RABGAP1: variants seen among roughly 807,000 people sequenced by gnomAD.
RABGAP1 encodes rab GTPase-activating protein 1.
A neutral mutation model predicts 137.6 loss-of-function variants in RABGAP1; 23 were observed. The ratio of observed to expected loss-of-function variants is 0.17; its 90% CI spans 0.12 to 0.24. The LOEUF (loss-of-function observed/expected upper bound fraction) is 0.24. Among genes scored for constraint, RABGAP1 ranks in the 10% least tolerant of loss-of-function variants. The probability of loss-of-function intolerance (pLI) is 1.00; values close to 1 mark genes in which losing one functional copy is unlikely to be tolerated. For missense variants in RABGAP1, 906 were observed against 1,275.8 expected, an observed-to-expected ratio of 0.71 and a Z score of 4.42; for synonymous variants, 451 against 450.7, an observed-to-expected ratio of 1.00 and a Z score of -0.01.
chr9:122,998,800 A>G (rs375760246), intron 10 of RABGAP1, 34 bp downstream of exon 10: 2 of 1,397,254 alleles, frequency 1.4e-6, no homozygotes, highest in Non-Finnish European at 2.0e-6. Flanking sequence ...AGAAGGGGGA[A>G]TAAGAAAGGA....
chr9:123,034,833 C>T (rs1265028279), intron 13 of RABGAP1: 47 of 1,613,916 alleles, frequency 2.9e-5, no homozygotes, highest in Non-Finnish European at 3.7e-5. Flanking sequence ...CTTTATCACT[C>T]CTCCATCACC....
intron 13 of RABGAP1, among the ~76,000 whole-genome samples, chr9:123,059,697 C>T (rs2033892089): frequency 6.6e-6 from 1 of 152,126 alleles, no homozygotes; most frequent in African/African-American, 2.4e-5. Context: ...AAAGAAGAGA[C>T]CTAGAGAGCT....
chr9:123,011,955 T>TCAA lies in RABGAP1; in HGVS notation c.1549+1449_1549+1451dup, dbSNP rs534225221. ...TGGGCAACAAGAGCAAAACTCTGTC[T>TCAA]CAACAACAACAACAACAACAACAAA... On this transcript the variant is annotated intron_variant, in intron 11 of 25. Transcript: ENST00000373647. Among the ~76,000 whole-genome samples, 532 of 152,044 alleles carry TCAA rather than the reference T, an allele frequency of 3.5e-3. 2 individuals carry two copies. The highest frequency in any genetic ancestry group is 0.017 in the Middle Eastern group (5 of 294).
chr9:123,085,257 C>A (rs904970671), intron 19 of RABGAP1, among the ~76,000 whole-genome samples: 1 of 152,194 alleles, frequency 6.6e-6, no homozygotes, highest in Non-Finnish European at 1.5e-5. Flanking sequence ...GGACAGGCCT[C>A]AGGGGGCCCA....
intron 1 of RABGAP1, among the ~76,000 whole-genome samples, chr9:122,954,706 A>G (rs916860972): frequency 6.6e-6 from 1 of 152,226 alleles, no homozygotes; most frequent in African/African-American, 2.4e-5. Flanking sequence ...TCTAAAAAAA[A>G]GATAAAGACT....
At chr9:123,102,489 A>G (rs1012992711) in intron 25 of RABGAP1, among the ~76,000 whole-genome samples, 2 of 152,202 alleles carry the variant, frequency 1.3e-5, no homozygotes, top group African/African-American at 4.8e-5. Flanking sequence ...AAGGCCTGGT[A>G]GTGTGACTAC....
At chr9:123,068,219 G>A (rs747660119) in intron 14 of RABGAP1, among the ~76,000 whole-genome samples, 14 of 151,888 alleles carry the variant, frequency 9.2e-5, no homozygotes, top group South Asian at 2.1e-4. Context: ...GCATGGTGGT[G>A]GGCATATGTA....
At chr9:123,034,073 G>C (rs898401046) in intron 13 of RABGAP1, 1 of 163,650 alleles carries the variant, frequency 6.1e-6, no homozygotes, top group African/African-American at 2.4e-5. Flanking sequence ...GCCAGTAGGG[G>C]TGGAGCGGGA....
Position 123,025,543 on chromosome 9 carries a change from C to CTTTTTTTTTTTTTTTTTTTT in RABGAP1, c.1794+5101_1794+5102insTTTTTTTTTTTTTTTTTTTT, listed in dbSNP as rs577474947. Among the ~76,000 whole-genome samples, 12 of 75,014 alleles carry CTTTTTTTTTTTTTTTTTTTT rather than the reference C, an allele frequency of 1.6e-4. 1 individual carries two copies. The highest frequency in any genetic ancestry group is 1.9e-4 in the Non-Finnish European group (7 of 36,630). The allele number at this position is 75,014 out of a possible 152,430, so 49.2% of individuals were successfully genotyped here. A position where few individuals can be genotyped will look rare whatever the true frequency, so the allele number is the denominator to read the frequency against. On this transcript the variant is annotated intron_variant, in intron 13 of 25. Coordinates refer to ENST00000373647, the MANE Select transcript of RABGAP1 (RefSeq NM_012197.4). Reference sequence around the variant, plus strand: ...TTTTATTTGTTCAGATCTTTCTTTTCTTTTTTTTTTTTTTTTTGCCTTCAA... The same window carrying CTTTTTTTTTTTTTTTTTTTT: ...TTTTATTTGTTCAGATCTTTCTTTTCTTTTTTTTTTTTTTTTTTTTTTTTTTTTTTTTTTTTTGCCTTCAA...
rs1263132861 is a variant in RABGAP1, at chr9:123,081,616, T to A, written c.2424+4854T>A. Among the ~76,000 whole-genome samples the A allele has an allele frequency of 3.3e-5, 5 of 152,010 alleles. No individual in the cohort carries two copies. The South Asian group carries it at 6.2e-4, about 19-fold the overall frequency. On this transcript the variant is annotated intron_variant, in intron 19 of 25. Coordinates refer to ENST00000373647, the MANE Select transcript of RABGAP1 (RefSeq NM_012197.4). ...CATTTCCTGGCTAATTTTTTTTTTT[T>A]ATTTTGTGTAGAGACAAGGTCTCTT...
intron 10 of RABGAP1, among the ~76,000 whole-genome samples, chr9:123,002,892 GTT>G (rs1837403774): frequency 6.6e-6 from 1 of 152,106 alleles, no homozygotes; most frequent in Non-Finnish European, 1.5e-5. Context: ...AGTTTTCACT[GTT>G]TTCTTTGCAA....
chr9:123,004,204 C>G (rs1215287929), intron 10 of RABGAP1, among the ~76,000 whole-genome samples: 2 of 152,172 alleles, frequency 1.3e-5, no homozygotes, highest in Non-Finnish European at 2.9e-5. Flanking sequence ...TGGATCTCTC[C>G]TTTGTAAAAT....
rs993000812 is a variant in RABGAP1 at position 123,034,323 on chromosome 9, C to G, written c.1794+13864C>G. The G allele has an allele frequency of 3.0e-5, 16 of 541,352 alleles. No individual in the cohort carries two copies. The South Asian group carries it at 4.7e-4, about 16-fold the overall frequency. The allele number at this position is 541,352 out of a possible 1,614,324, so 33.5% of individuals were successfully genotyped here. On this transcript the variant is annotated intron_variant, in intron 13 of 25. Coordinates refer to ENST00000373647, the MANE Select transcript of RABGAP1 (RefSeq NM_012197.4). ...TGCTATGTGTATGGTGAACCTGGCA[C>G]TATGGCCGCGTCTGGGACTGGCCAG...
intron 13 of RABGAP1, among the ~76,000 whole-genome samples, chr9:123,046,461 G>T (rs773550827): frequency 2.0e-5 from 3 of 152,222 alleles, no homozygotes; most frequent in Non-Finnish European, 2.9e-5. Context: ...CCAAAAGTAT[G>T]TGCTTGAGAG....
intron 1 of RABGAP1, among the ~76,000 whole-genome samples, chr9:122,956,455 C>T (rs1219372173): frequency 1.3e-5 from 2 of 152,108 alleles, no homozygotes; most frequent in Non-Finnish European, 1.5e-5. Flanking sequence ...TCAAGACCAT[C>T]CTGGCTAACA....
rs1243061402 is a variant in RABGAP1 at position 123,103,995 on chromosome 9, G to GTT, written c.*783_*784insTT. ...TGTGTGTGTGTGTGTGTGTGTGTGTGTATGTATATATATATATAAATATCT... is the reference window on the plus strand; with the variant it reads ...TGTGTGTGTGTGTGTGTGTGTGTGTGTTTATGTATATATATATATAAATATCT... On this transcript the variant is annotated 3_prime_UTR_variant, in exon 26 of 26. Transcript: ENST00000373647. 2.2e-5 allele frequency: 1 copy of GTT among 44,524 alleles called. No homozygotes were observed. Among genetic ancestry groups the GTT allele is most frequent in the Admixed American group, 1.7e-4 (1 of 6,040 alleles). 2.8% of individuals were successfully genotyped at this position (44,524 alleles called of 1,614,324 possible).
At chr9:122,936,286 C>G (rs1833386398), upstream of RABGAP1, among the ~76,000 whole-genome samples, 1 of 152,154 alleles carries the variant, frequency 6.6e-6, no homozygotes, top group Non-Finnish European at 1.5e-5. Context: ...CCCACAGGGT[C>G]CCTTAGGCTT....
intron 13 of RABGAP1, among the ~76,000 whole-genome samples, chr9:123,056,528 A>G (rs2033705417): frequency 3.8e-5 from 5 of 132,614 alleles, no homozygotes; most frequent in South Asian, 4.9e-4. Context: ...TTTCTTGCAG[A>G]GTGGGATTTG....
At chr9:122,946,660 A>C (rs1006547954) in intron 1 of RABGAP1, among the ~76,000 whole-genome samples, 4 of 152,194 alleles carry the variant, frequency 2.6e-5, no homozygotes, top group Admixed American at 6.5e-5. Flanking sequence ...TCCAAATAAC[A>C]ATTTAAATAT....
Sources: gnomAD v4.1 joint callset for allele counts (sites outside exome capture counted in the v4.1 genomes callset) on GRCh38, gnomAD v4.1.1 for gene constraint, MANE v1.5 for transcripts, NCBI Gene and HGNC (gene_info 2026-07-23, HGNC 2026-07-21) for gene names.